The following CCDC102B variants were observed in gnomAD, a reference collection of about 807,000 sequenced individuals.
CCDC102B encodes coiled-coil domain containing 102B, also known as coiled-coil domain-containing protein 102B.
A neutral mutation model predicts 57.4 loss-of-function variants in CCDC102B; 75 were observed. The observed-to-expected ratio is 1.31, with a 90% CI of 1.08 to 1.58. CCDC102B has a LOEUF of 1.58. Among genes scored for constraint, CCDC102B ranks in the 40% most tolerant of loss-of-function variants. The probability of loss-of-function intolerance (pLI) is 0.00; values close to 1 mark genes in which losing one functional copy is unlikely to be tolerated. For missense variants in CCDC102B, 636 were observed against 582.6 expected (o/e 1.09, Z -0.94); for synonymous variants, 206 against 201.9 (o/e 1.02, Z -0.17).
intron 1 of CCDC102B, among the ~76,000 whole-genome samples, chr18:68,834,918 A>C (rs2144779982): frequency 6.6e-6 from 1 of 152,132 alleles, no homozygotes; most frequent in Admixed American, 6.5e-5. Flanking sequence ...ATGATCTGTA[A>C]CTATATAAAA....
chr18:68,890,689 C>G (rs1431356674), intron 5 of CCDC102B, among the ~76,000 whole-genome samples: 1 of 152,096 alleles, frequency 6.6e-6, no homozygotes. Flanking sequence ...AGTTCTAGAA[C>G]TTTATAGGCC....
chr18:68,957,967 G>C (rs760216317), intron 6 of CCDC102B, among the ~76,000 whole-genome samples: 1 of 152,088 alleles, frequency 6.6e-6, no homozygotes, highest in Non-Finnish European at 1.5e-5. Flanking sequence ...ACCCAAGATG[G>C]GGCAATTTAC....
At chr18:68,891,335 T>A (rs2040070809) in intron 5 of CCDC102B, among the ~76,000 whole-genome samples, 1 of 152,212 alleles carries the variant, frequency 6.6e-6, no homozygotes, top group African/African-American at 2.4e-5. Flanking sequence ...AGTTACTTCA[T>A]GTGTATCCAA....
chr18:69,035,152 C>A (rs144548013), intron 7 of CCDC102B, among the ~76,000 whole-genome samples: 2 of 151,922 alleles, frequency 1.3e-5, no homozygotes, highest in East Asian at 3.9e-4. Context: ...TACTAGTATA[C>A]CATATTAGAA....
chr18:68,877,913 A>T (rs750016965), intron 5 of CCDC102B, among the ~76,000 whole-genome samples: 32 of 152,178 alleles, frequency 2.1e-4, no homozygotes, highest in Non-Finnish European at 4.4e-4. Flanking sequence ...CGTGGCTCGT[A>T]ATCACTCAAC....
At chr18:69,011,263 T>A in intron 7 of CCDC102B, 159 bp downstream of exon 7, 1 of 687,892 alleles carries the variant, frequency 1.5e-6, no homozygotes, top group East Asian at 2.7e-5. Flanking sequence ...GAAATAAGAT[T>A]ACACAGACAA....
intron 4 of CCDC102B, among the ~76,000 whole-genome samples, chr18:68,862,132 A>G (rs1045597466): frequency 1.3e-5 from 2 of 152,196 alleles, no homozygotes; most frequent in Non-Finnish European, 2.9e-5. Flanking sequence ...TATATGCTAG[A>G]TAACTTCTTG....
At chr18:68,815,716 G>A (rs1299395293) in intron 1 of CCDC102B, among the ~76,000 whole-genome samples, 1 of 132,006 alleles carries the variant, frequency 7.6e-6, no homozygotes, top group Admixed American at 7.2e-5. Context: ...ACTGAACTCT[G>A]GTTTTCAAAT....
chr18:69,054,756 A>C lies in CCDC102B; in HGVS notation c.*619A>C. The C allele has an allele frequency of 1.0e-6, 1 of 985,334 alleles. No homozygotes were observed. The highest frequency in any genetic ancestry group is 1.2e-6 in the Non-Finnish European group (1 of 829,906). 61.0% of individuals were successfully genotyped at this position (985,334 alleles called of 1,614,324 possible). ...GTGATTGAATCTAAGACAGGCTGTA[A>C]GCATCGCTGAGAAACTAAAAGGACT... On this transcript the variant is annotated 3_prime_UTR_variant, in exon 8 of 8. Coordinates refer to ENST00000360242, the MANE Select transcript of CCDC102B (RefSeq NM_024781.3).
At chr18:68,864,907 C>T (rs12962563) in intron 4 of CCDC102B, among the ~76,000 whole-genome samples, 36,604 of 151,868 alleles carry the variant, frequency 0.24, 5,725 homozygotes, top group Non-Finnish European at 0.34. Context: ...CTGGCTCTGC[C>T]CCATACCCTA....
rs1174001585 is a variant in CCDC102B at position 68,958,382 on chromosome 18, T to C, written c.1264-52552T>C. Among the ~76,000 whole-genome samples the C allele has an allele frequency of 2.0e-5, 3 of 152,346 alleles. No homozygotes were observed. In the East Asian group the frequency reaches 5.8e-4, roughly 29 times the overall value. On this transcript the variant is annotated intron_variant, in intron 6 of 7. Coordinates refer to ENST00000360242, the MANE Select transcript of CCDC102B (RefSeq NM_024781.3). ...GATATGACATAGCACCTTGATTTAT[T>C]TGCATATGTTGCACCTTGATTGATT... is the stretch of plus-strand genomic sequence containing the variant.
At chr18:68,869,798 T>C (rs1056919800) in intron 4 of CCDC102B, among the ~76,000 whole-genome samples, 7 of 152,226 alleles carry the variant, frequency 4.6e-5, no homozygotes, top group Admixed American at 4.6e-4. Flanking sequence ...TCTTTTCCCA[T>C]GCCTATGTCC....
At chr18:68,976,468 G>A (rs556724777) in intron 6 of CCDC102B, among the ~76,000 whole-genome samples, 9 of 151,796 alleles carry the variant, frequency 5.9e-5, no homozygotes, top group African/African-American at 1.7e-4. Flanking sequence ...ATGGAGTAAC[G>A]CATTTAAATA....
intron 6 of CCDC102B, among the ~76,000 whole-genome samples, chr18:68,977,665 G>A (rs906968700): frequency 6.6e-6 from 1 of 151,522 alleles, no homozygotes; most frequent in African/African-American, 2.4e-5. Flanking sequence ...TGATGATGAC[G>A]ATGACTGTAG....
intron 6 of CCDC102B, among the ~76,000 whole-genome samples, chr18:68,903,372 G>A (rs528322789): frequency 6.6e-6 from 1 of 152,002 alleles, no homozygotes; most frequent in Admixed American, 6.6e-5. Flanking sequence ...TGAAAAGTGG[G>A]GTCTGTGCTC....
At chr18:68,768,723 T>G (rs994539083) in intron 2 of CCDC102B, among the ~76,000 whole-genome samples, 6 of 151,902 alleles carry the variant, frequency 3.9e-5, no homozygotes, top group Admixed American at 3.3e-4. Flanking sequence ...AGGTTAAAAC[T>G]ATATAAATAG....
chr18:69,055,235 C>T (rs2052796524), downstream of CCDC102B: 3 of 816,650 alleles, frequency 3.7e-6, no homozygotes, highest in Non-Finnish European at 4.4e-6. Flanking sequence ...TCACTTTTTC[C>T]CTGTTTCTCT....
At chr18:68,807,087 G>T (rs1293885909) in intron 1 of CCDC102B, among the ~76,000 whole-genome samples, 2 of 152,134 alleles carry the variant, frequency 1.3e-5, no homozygotes, top group African/African-American at 2.4e-5. Context: ...TCAAGGAAGA[G>T]AATTTACCTC....
At chr18:68,949,297 G>A (rs2145191795) in intron 6 of CCDC102B, among the ~76,000 whole-genome samples, 1 of 152,202 alleles carries the variant, frequency 6.6e-6, no homozygotes, top group South Asian at 2.1e-4. Context: ...GCTGGTGAAA[G>A]TTAAAATAAG....
Sources: gnomAD v4.1 joint callset for allele counts (sites outside exome capture counted in the v4.1 genomes callset) on GRCh38, gnomAD v4.1.1 for gene constraint, MANE v1.5 for transcripts, NCBI Gene and HGNC (gene_info 2026-07-23, HGNC 2026-07-21) for gene names.